KLF8: variants seen among roughly 807,000 people sequenced by gnomAD.
The protein encoded by KLF8 is KLF transcription factor 8.
In KLF8, 10 loss-of-function variants were observed where a neutral mutation model predicts 18.2. That is an observed-to-expected ratio of 0.55 (90% CI 0.34 to 0.93). The LOEUF (loss-of-function observed/expected upper bound fraction) is 0.93, where lower values mean the gene tolerates loss of function less well. KLF8 is among the 40% of genes least tolerant of loss of function. The pLI is 0.02. For missense variants in KLF8, 264 were observed against 277.9 expected, an observed-to-expected ratio of 0.95 and a Z score of 0.36; for synonymous variants, 109 against 97.3, an observed-to-expected ratio of 1.12 and a Z score of -0.71.
the KLF8 span, among the ~76,000 whole-genome samples, chrX:56,084,328 A>C: frequency 9.0e-6 from 1 of 111,251 alleles, no homozygotes; most frequent in Non-Finnish European, 1.9e-5. Context: ...GGCTGTGATG[A>C]GCTGAAATCA....
chrX:56,161,028 C>T, the KLF8 span, among the ~76,000 whole-genome samples: 984 of 111,255 alleles, frequency 8.8e-3, 11 homozygotes, highest in Non-Finnish European at 0.013. Flanking sequence ...TGGCTGGTAC[C>T]GGTTGTTCCT....
chrX:56,168,295 A>C, the KLF8 span, among the ~76,000 whole-genome samples: 1 of 111,863 alleles, frequency 8.9e-6, no homozygotes, highest in African/African-American at 3.2e-5. Flanking sequence ...TATGAAAGCA[A>C]TTCTATGGAC....
the KLF8 span, among the ~76,000 whole-genome samples, chrX:55,990,074 T>G: frequency 7.2e-5 from 8 of 111,809 alleles, no homozygotes. Flanking sequence ...TTTTATTGCA[T>G]GTATTTGATT....
chrX:56,099,695 G>T, the KLF8 span, among the ~76,000 whole-genome samples: 1 of 111,810 alleles, frequency 8.9e-6, no homozygotes, highest in Non-Finnish European at 1.9e-5. Flanking sequence ...TTTATTGTCT[G>T]CACGGAAGAT....
the KLF8 span, among the ~76,000 whole-genome samples, chrX:55,979,541 C>G: frequency 9.0e-6 from 1 of 111,657 alleles, no homozygotes; most frequent in African/African-American, 3.3e-5. Context: ...TGATTGGTAC[C>G]TTGTACTATC....
the KLF8 span, among the ~76,000 whole-genome samples, chrX:56,021,639 T>G: frequency 9.1e-6 from 1 of 110,162 alleles, no homozygotes; most frequent in East Asian, 2.8e-4. Context: ...TTGAATTTTT[T>G]TGAAGTTAAA....
the KLF8 span, among the ~76,000 whole-genome samples, chrX:56,061,853 G>T: frequency 9.1e-6 from 1 of 110,354 alleles, no homozygotes; most frequent in East Asian, 2.8e-4. Flanking sequence ...CCCTGTATTG[G>T]GTGCATATAT....
At position 56,290,321 on chromosome X, in the gene KLF8, A is replaced by T. The variant is rs2067309910; in HGVS notation, c.*5827A>T. Among the ~76,000 whole-genome samples the T allele has an allele frequency of 1.8e-5, 2 of 112,012 alleles. No homozygotes were observed. The highest frequency in any genetic ancestry group is 7.5e-4 in the South Asian group (2 of 2,671). On this transcript the variant is annotated 3_prime_UTR_variant, in exon 6 of 6. Transcript: ENST00000468660. ...ATCTTTAAGTGAACAACCAAGTATT[A>T]TAACCATTGTTATAATGATAGTTAT...
chrX:56,054,481 T>C, the KLF8 span, among the ~76,000 whole-genome samples: 1 of 111,851 alleles, frequency 8.9e-6, no homozygotes, highest in East Asian at 2.8e-4. Flanking sequence ...TCTTTTGCTT[T>C]TGTTTAGGAT....
chrX:56,089,124 T>A, the KLF8 span, among the ~76,000 whole-genome samples: 3 of 111,440 alleles, frequency 2.7e-5, no homozygotes, highest in Non-Finnish European at 5.6e-5. Context: ...CATCCACCAC[T>A]GAAGTTAATA....
intron 1 of KLF8, among the ~76,000 whole-genome samples, chrX:56,240,061 A>G (rs2066524411): frequency 8.9e-6 from 1 of 112,400 alleles, no homozygotes; most frequent in African/African-American, 3.2e-5. Flanking sequence ...CGGGGATGTG[A>G]TGTGAATATA....
At chrX:56,270,375 CACACACGAGA>C in intron 5 of KLF8, 54 bp downstream of exon 5, 2 of 1,040,714 alleles carry the variant, frequency 1.9e-6, no homozygotes, top group South Asian at 5.9e-5. Flanking sequence ...CACACACACA[CACACACGAGA>C]GAGAGAGAGA....
At chrX:55,984,183 G>A in the KLF8 span, among the ~76,000 whole-genome samples, 45 of 109,788 alleles carry the variant, frequency 4.1e-4, no homozygotes, top group African/African-American at 1.3e-3. Flanking sequence ...TGTTACATAG[G>A]TAAACGTGTG....
the KLF8 span, among the ~76,000 whole-genome samples, chrX:56,035,728 T>A: frequency 8.9e-6 from 1 of 112,219 alleles, no homozygotes; most frequent in Non-Finnish European, 1.9e-5. Flanking sequence ...GTTGAACATT[T>A]TTTTCATATA....
At chrX:56,127,617 G>C in the KLF8 span, among the ~76,000 whole-genome samples, 1 of 111,604 alleles carries the variant, frequency 9.0e-6, no homozygotes, top group Non-Finnish European at 1.9e-5. Context: ...AGTGAGCTGT[G>C]ATCAGGCCCT....
chrX:55,909,127 G>A, the KLF8 span, among the ~76,000 whole-genome samples: 37 of 112,068 alleles, frequency 3.3e-4, no homozygotes, highest in African/African-American at 1.2e-3. Flanking sequence ...GAAGCCTCTA[G>A]CTGTGAGCTA....
chrX:56,283,129 T>C (rs2067222346), intron 5 of KLF8, among the ~76,000 whole-genome samples: 1 of 111,468 alleles, frequency 9.0e-6, no homozygotes, highest in Non-Finnish European at 1.9e-5. Context: ...ACTGCGTTAA[T>C]TTTTTTATAC....
the KLF8 span, among the ~76,000 whole-genome samples, chrX:55,914,080 G>A: frequency 8.9e-6 from 1 of 111,763 alleles, no homozygotes; most frequent in Non-Finnish European, 1.9e-5. Flanking sequence ...GGTCAGTGAT[G>A]GCATGATACA....
At chrX:56,167,283 A>C in the KLF8 span, among the ~76,000 whole-genome samples, 1 of 111,134 alleles carries the variant, frequency 9.0e-6, no homozygotes, top group African/African-American at 3.3e-5. Context: ...GGCCTGTGCC[A>C]CCATGCCCAG....
Sources: gnomAD v4.1 joint callset for allele counts (sites outside exome capture counted in the v4.1 genomes callset) on GRCh38, gnomAD v4.1.1 for gene constraint, MANE v1.5 for transcripts, NCBI Gene and HGNC (gene_info 2026-07-23, HGNC 2026-07-21) for gene names.